RAPGEF5: variants seen among roughly 807,000 people sequenced by gnomAD.
RAPGEF5 encodes Rap guanine nucleotide exchange factor 5.
A neutral mutation model predicts 125.2 loss-of-function variants in RAPGEF5; 65 were observed. The ratio of observed to expected loss-of-function variants is 0.52; its 90% CI spans 0.43 to 0.64. The LOEUF is 0.64. Ranked by LOEUF, RAPGEF5 falls within the 30% of genes least tolerant of loss-of-function variation. The probability of loss-of-function intolerance (pLI) is 0.00; values close to 1 mark genes in which losing one functional copy is unlikely to be tolerated. For missense variants in RAPGEF5, 958 were observed against 1,048.1 expected, an observed-to-expected ratio of 0.91 and a Z score of 1.19; for synonymous variants, 391 against 385.9, an observed-to-expected ratio of 1.01 and a Z score of -0.16.
At chr7:22,136,247 C>G in intron 22 of RAPGEF5, 122 bp from the exon 23 acceptor site, 1 of 655,836 alleles carries the variant, frequency 1.5e-6, no homozygotes, top group Non-Finnish European at 2.5e-6. Flanking sequence ...CTCCTAAGAA[C>G]AAAGTAGATA....
chr7:22,296,891 G>C (rs890881951), intron 5 of RAPGEF5, among the ~76,000 whole-genome samples: 2 of 152,188 alleles, frequency 1.3e-5, no homozygotes, highest in Non-Finnish European at 2.9e-5. Flanking sequence ...ATGATCAATT[G>C]TGCCAAATGC....
At chr7:22,308,559 A>T in intron 4 of RAPGEF5, 52 bp from the exon 5 acceptor site, 3 of 1,309,102 alleles carry the variant, frequency 2.3e-6, no homozygotes, top group South Asian at 1.6e-5. Context: ...TATTACTCAG[A>T]GAGTAATAAC....
At chr7:22,330,395 T>A (rs1044532551) in intron 1 of RAPGEF5, among the ~76,000 whole-genome samples, 1 of 152,168 alleles carries the variant, frequency 6.6e-6, no homozygotes, top group Non-Finnish European at 1.5e-5. Context: ...AGGAGCCCTG[T>A]GCAAGTGTAA....
chr7:22,291,082 T>C (rs933039565), intron 6 of RAPGEF5, 93 bp downstream of exon 6: 3 of 1,369,322 alleles, frequency 2.2e-6, no homozygotes, highest in Non-Finnish European at 2.9e-6. Flanking sequence ...ACAGGGAAAA[T>C]GTCTCTCTAC....
intron 6 of RAPGEF5, 73 bp downstream of exon 6, chr7:22,291,102 C>A (rs1345657935): frequency 2.7e-6 from 4 of 1,475,450 alleles, no homozygotes; most frequent in Middle Eastern, 3.5e-4. Context: ...CACCATCACC[C>A]AAAGAACTTC....
intron 2 of RAPGEF5, among the ~76,000 whole-genome samples, chr7:22,316,923 T>C (rs1783612583): frequency 7.0e-6 from 1 of 141,968 alleles, no homozygotes. Context: ...AAATACAAGC[T>C]GATAAGGAAG....
chr7:22,267,962 T>C (rs987464602), intron 6 of RAPGEF5, among the ~76,000 whole-genome samples: 6 of 152,096 alleles, frequency 3.9e-5, no homozygotes, highest in Non-Finnish European at 5.9e-5. Flanking sequence ...AGATTTGCTA[T>C]TCAAATTAAC....
chr7:22,180,974 T>G (rs2128121532), intron 11 of RAPGEF5, among the ~76,000 whole-genome samples: 1 of 152,286 alleles, frequency 6.6e-6, no homozygotes, highest in East Asian at 1.9e-4. Flanking sequence ...TGGCAGAACT[T>G]GGGTTAACTA....
intron 14 of RAPGEF5, 61 bp from the exon 15 acceptor site, chr7:22,157,946 G>T: frequency 2.7e-6 from 4 of 1,491,704 alleles, no homozygotes; most frequent in Non-Finnish European, 3.7e-6. Context: ...TGCAGTTATT[G>T]TTACGGAAGA....
intron 6 of RAPGEF5, among the ~76,000 whole-genome samples, chr7:22,286,603 C>T (rs1054103283): frequency 3.3e-5 from 5 of 152,140 alleles, no homozygotes; most frequent in African/African-American, 1.2e-4. Context: ...TTTCTATTTC[C>T]TGTCTTTGGA....
At chr7:22,155,018 T>G (rs1342808345) in intron 16 of RAPGEF5, among the ~76,000 whole-genome samples, 1 of 152,202 alleles carries the variant, frequency 6.6e-6, no homozygotes, top group Admixed American at 6.5e-5. Flanking sequence ...TTAAAGTGTC[T>G]AATTCATAAA....
chr7:22,293,952 C>A (rs771285192), intron 5 of RAPGEF5, among the ~76,000 whole-genome samples: 1 of 152,174 alleles, frequency 6.6e-6, no homozygotes, highest in African/African-American at 2.4e-5. Flanking sequence ...AATTTAAACA[C>A]ATTCTGTTTT....
chr7:22,199,413 A>G (rs1279370728), intron 9 of RAPGEF5, among the ~76,000 whole-genome samples: 2 of 151,602 alleles, frequency 1.3e-5, no homozygotes, highest in African/African-American at 4.8e-5. Flanking sequence ...AGGCTGGTGG[A>G]GATGGGGCTC....
At chr7:22,352,536 T>C (rs1784349858) in intron 1 of RAPGEF5, among the ~76,000 whole-genome samples, 2 of 152,174 alleles carry the variant, frequency 1.3e-5, no homozygotes, top group Non-Finnish European at 2.9e-5. Context: ...AGAAAGGTAT[T>C]TGAGTTTACT....
intron 6 of RAPGEF5, among the ~76,000 whole-genome samples, chr7:22,284,822 T>C (rs1010010396): frequency 4.6e-5 from 7 of 152,130 alleles, no homozygotes; most frequent in African/African-American, 1.2e-4. Context: ...AAAGGGTGAA[T>C]AGAAACCCAT....
intron 24 of RAPGEF5, among the ~76,000 whole-genome samples, chr7:22,127,442 T>G (rs1454897439): frequency 6.6e-6 from 1 of 152,210 alleles, no homozygotes; most frequent in Non-Finnish European, 1.5e-5. Context: ...TAGTTTTTCA[T>G]GTTGAAGGAA....
chr7:22,295,775 A>G (rs933867091), intron 5 of RAPGEF5, among the ~76,000 whole-genome samples: 21 of 152,326 alleles, frequency 1.4e-4, no homozygotes, highest in Non-Finnish European at 2.6e-4. Context: ...TAAAAAAAAA[A>G]AAGTTTGTTT....
rs542013968 is a variant in RAPGEF5 at position 22,149,708 on chromosome 7, G to T, written c.1884+699C>A. 2.0e-5 allele frequency among the ~76,000 whole-genome samples: 3 copies of T among 152,296 alleles called. No individual in the cohort carries two copies. The South Asian group carries it at 6.2e-4, about 32-fold the overall frequency. On this transcript the variant is annotated intron_variant, in intron 18 of 25. Transcript: ENST00000665637. Reference sequence around the variant, plus strand: ...ATCCATGCTTTTCTTCAAGGGAATGGAACGAAGTGTACCAAATGTACTGAA... The same window carrying T: ...ATCCATGCTTTTCTTCAAGGGAATGTAACGAAGTGTACCAAATGTACTGAA...
At chr7:22,278,528 T>C (rs1782607402) in intron 6 of RAPGEF5, among the ~76,000 whole-genome samples, 1 of 151,928 alleles carries the variant, frequency 6.6e-6, no homozygotes. Context: ...TCATCCCCAG[T>C]CCCAGTGTCC....
Sources: gnomAD v4.1 joint callset for allele counts (sites outside exome capture counted in the v4.1 genomes callset) on GRCh38, gnomAD v4.1.1 for gene constraint, MANE v1.5 for transcripts, NCBI Gene and HGNC (gene_info 2026-07-23, HGNC 2026-07-21) for gene names.